Variants in AFF2 observed in about 807,000 individuals in gnomAD.
The protein encoded by AFF2 is AF4/FMR2 family member 2.
A neutral mutation model predicts 76.9 loss-of-function variants in AFF2; 14 were observed. That is an observed-to-expected ratio of 0.18 (90% CI 0.12 to 0.28). The LOEUF (loss-of-function observed/expected upper bound fraction) is 0.28. AFF2 is among the 10% of genes least tolerant of loss of function. The probability of loss-of-function intolerance (pLI) is 1.00; values close to 1 mark genes in which losing one functional copy is unlikely to be tolerated. For synonymous variants in AFF2, 398 were observed against 366.7 expected (o/e 1.09, Z -0.98); for missense variants, 868 against 1,001.1 (o/e 0.87, Z 1.79).
chrX:148,719,147 A>G (rs1557263591), intron 3 of AFF2: 3 of 1,143,617 alleles, frequency 2.6e-6, no homozygotes, highest in South Asian at 2.0e-5. Flanking sequence ...TCTATCCCAG[A>G]TGTAAGATAT....
intron 3 of AFF2, among the ~76,000 whole-genome samples, chrX:148,729,981 G>A (rs5936422): frequency 0.18 from 20,274 of 111,005 alleles, 1,822 homozygotes; most frequent in Non-Finnish European, 0.28. Flanking sequence ...AATGTTCTAC[G>A]CATTTGTGTG....
intron 4 of AFF2, among the ~76,000 whole-genome samples, chrX:148,834,098 G>A (rs1464114995): frequency 3.6e-5 from 4 of 112,201 alleles, no homozygotes; most frequent in Non-Finnish European, 7.5e-5. Flanking sequence ...GTGATTTTGT[G>A]GGGTTTGACT....
intron 9 of AFF2, among the ~76,000 whole-genome samples, chrX:148,919,700 A>G (rs1214885525): frequency 9.0e-6 from 1 of 111,426 alleles, no homozygotes; most frequent in African/African-American, 3.3e-5. Context: ...TAATCCAAAT[A>G]ATTTGGTTAA....
intron 2 of AFF2, among the ~76,000 whole-genome samples, chrX:148,653,587 T>C (rs2054223605): frequency 9.0e-6 from 1 of 111,313 alleles, no homozygotes; most frequent in Non-Finnish European, 1.9e-5. Flanking sequence ...CCAGGAAAAA[T>C]GAACAGTTTA....
chrX:148,792,418 A>C (rs1557270012), intron 3 of AFF2, among the ~76,000 whole-genome samples: 1 of 112,741 alleles, frequency 8.9e-6, no homozygotes, highest in Non-Finnish European at 1.9e-5. Flanking sequence ...GTGCCACTGC[A>C]CTCCAGCCTG....
At chrX:148,851,537 G>A (rs1376892669) in intron 7 of AFF2, among the ~76,000 whole-genome samples, 1 of 111,191 alleles carries the variant, frequency 9.0e-6, no homozygotes, top group Non-Finnish European at 1.9e-5. Context: ...CCTTGTCCTT[G>A]CCAAAGGTTC....
At chrX:148,621,761 C>T (rs2053870617) in intron 1 of AFF2, among the ~76,000 whole-genome samples, 1 of 111,102 alleles carries the variant, frequency 9.0e-6, no homozygotes, top group African/African-American at 3.3e-5. Flanking sequence ...TAGTGAGCTA[C>T]CTACTATGTG....
chrX:148,828,394 C>T (rs2070413888), intron 4 of AFF2, among the ~76,000 whole-genome samples: 1 of 111,905 alleles, frequency 8.9e-6, no homozygotes, highest in Non-Finnish European at 1.9e-5. Context: ...CATTTCTAAG[C>T]TTTGATATTG....
chrX:148,850,963 C>A (rs1557275274), intron 7 of AFF2, among the ~76,000 whole-genome samples: 1 of 112,248 alleles, frequency 8.9e-6, no homozygotes, highest in African/African-American at 3.2e-5. Context: ...CATATAACAG[C>A]AGTGTAGACA....
chrX:148,809,425 G>T (rs781832222), intron 3 of AFF2, among the ~76,000 whole-genome samples: 8 of 112,294 alleles, frequency 7.1e-5, no homozygotes, highest in Non-Finnish European at 1.3e-4. Flanking sequence ...TACACAGGCC[G>T]TTATCCTTAG....
intron 7 of AFF2, among the ~76,000 whole-genome samples, chrX:148,871,512 C>A (rs2070975581): frequency 1.8e-5 from 2 of 111,724 alleles, no homozygotes; most frequent in South Asian, 7.6e-4. Flanking sequence ...ATCCTTACCC[C>A]AGCTTCTTCT....
chrX:148,809,552 G>C (rs2070177886), intron 3 of AFF2, among the ~76,000 whole-genome samples: 1 of 111,670 alleles, frequency 9.0e-6, no homozygotes, highest in Admixed American at 9.5e-5. Context: ...ATGTCAGAGG[G>C]TCAAAGATGC....
intron 3 of AFF2, among the ~76,000 whole-genome samples, chrX:148,804,500 A>G (rs1228386055): frequency 8.9e-6 from 1 of 112,762 alleles, no homozygotes; most frequent in Admixed American, 9.3e-5. Flanking sequence ...CATGTGTTAA[A>G]TTATTTTGAT....
At position 148,999,199 on chromosome X, in the gene AFF2, G is replaced by T. The variant is rs1230852977; in HGVS notation, c.*7867G>T. ...CAAAATACCCCTGAGAGTTGTCAGG[G>T]GTGTCTTCTGCCTGGTCTATAGCGT... On this transcript the variant is annotated 3_prime_UTR_variant, in exon 21 of 21. Transcript: ENST00000370460. 1 of 110,982 alleles carries T rather than the reference G, an allele frequency of 9.0e-6. No homozygotes were observed. Among genetic ancestry groups the T allele is most frequent in the Non-Finnish European group, 1.9e-5 (1 of 52,973 alleles). 9.1% of individuals were successfully genotyped at this position (110,982 alleles called of 1,213,427 possible). A position where few individuals can be genotyped will look rare whatever the true frequency, so the allele number is the denominator to read the frequency against.
chrX:148,885,472 C>A (rs1366793622), intron 7 of AFF2, among the ~76,000 whole-genome samples: 1 of 111,382 alleles, frequency 9.0e-6, no homozygotes, highest in Non-Finnish European at 1.9e-5. Flanking sequence ...CAGGCTTTGA[C>A]AACAGCCTCC....
intron 7 of AFF2, among the ~76,000 whole-genome samples, chrX:148,875,198 G>T (rs1038470958): frequency 8.9e-6 from 1 of 111,966 alleles, no homozygotes; most frequent in Non-Finnish European, 1.9e-5. Flanking sequence ...ACATTGTGGA[G>T]CCCCTTCTAA....
chrX:148,811,768 C>T (rs145121900), intron 4 of AFF2, among the ~76,000 whole-genome samples: 2,356 of 111,726 alleles, frequency 0.021, 33 homozygotes, highest in Middle Eastern at 0.046. Flanking sequence ...AGGGTGAACA[C>T]CTGGCTGAGG....
At chrX:148,667,561 G>A (rs782138364) in intron 3 of AFF2, among the ~76,000 whole-genome samples, 1 of 111,970 alleles carries the variant, frequency 8.9e-6, no homozygotes, top group East Asian at 2.8e-4. Context: ...ACAGTTCCAC[G>A]TGGCTGGGGA....
At chrX:148,709,664 C>G (rs1415882417) in intron 3 of AFF2, among the ~76,000 whole-genome samples, 1 of 112,170 alleles carries the variant, frequency 8.9e-6, no homozygotes, top group Non-Finnish European at 1.9e-5. Flanking sequence ...GAGATACACA[C>G]ATACACACAC....
Sources: gnomAD v4.1 joint callset for allele counts (sites outside exome capture counted in the v4.1 genomes callset) on GRCh38, gnomAD v4.1.1 for gene constraint, MANE v1.5 for transcripts, NCBI Gene and HGNC (gene_info 2026-07-23, HGNC 2026-07-21) for gene names.